IMMP2L: variants seen among roughly 807,000 people sequenced by gnomAD.
IMMP2L encodes the protein mitochondrial inner membrane protease subunit 2.
In IMMP2L, 18 loss-of-function variants were observed where a neutral mutation model predicts 19.3. The observed-to-expected ratio is 0.93, with a 90% CI of 0.64 to 1.38. IMMP2L has a LOEUF of 1.38. Among genes scored for constraint, IMMP2L ranks in the 40% most tolerant of loss-of-function variants. The probability of loss-of-function intolerance (pLI) is 0.00; values close to 1 mark genes in which losing one functional copy is unlikely to be tolerated. For missense variants in IMMP2L, 233 were observed against 218.2 expected (o/e 1.07, Z -0.43); for synonymous variants, 76 against 73.0 (o/e 1.04, Z -0.21).
At chr7:111,251,470 C>G (rs564406136) in intron 3 of IMMP2L, among the ~76,000 whole-genome samples, 2 of 152,206 alleles carry the variant, frequency 1.3e-5, no homozygotes, top group East Asian at 3.9e-4. Context: ...CCATGCAGCA[C>G]TATTCACAAC....
At chr7:111,265,958 C>T (rs1817786885) in intron 3 of IMMP2L, among the ~76,000 whole-genome samples, 1 of 152,228 alleles carries the variant, frequency 6.6e-6, no homozygotes, top group East Asian at 1.9e-4. Context: ...CTTCCCTAAC[C>T]AATCTATCCT....
chr7:111,339,335 T>C lies in IMMP2L; in HGVS notation c.239+147903A>G, dbSNP rs550820453. On this transcript the variant is annotated intron_variant, in intron 3 of 5. Transcript: ENST00000405709. ...GTAAAGGGAAGATAGTTATTCTCTC[T>C]GAAAAGAGAGAGTATTTCTCTCTGA... 7.9e-5 allele frequency among the ~76,000 whole-genome samples: 12 copies of C among 151,960 alleles called. No individual in the cohort carries two copies. The South Asian group carries it at 1.7e-3, about 21-fold the overall frequency.
At chr7:111,549,005 C>G (rs933554907) in intron 1 of IMMP2L, among the ~76,000 whole-genome samples, 1 of 152,082 alleles carries the variant, frequency 6.6e-6, no homozygotes, top group Non-Finnish European at 1.5e-5. Context: ...ATGATTAAGA[C>G]CCAAGCACAC....
Position 110,757,199 on chromosome 7 carries a change from G to A in IMMP2L, c.409-93478C>T, listed in dbSNP as rs191748151. Among the ~76,000 whole-genome samples, 452 of 152,148 alleles carry A rather than the reference G, an allele frequency of 3.0e-3. 4 individuals are homozygous for A. Among genetic ancestry groups the A allele is most frequent in the Admixed American group, 4.4e-3 (67 of 15,236 alleles). Reference sequence around the variant, plus strand: ...CATAGGGAGGGAATCCAGTGTTGGAGGCAAGGGGTGAAATCAGGGCTGGCT... The same window carrying A: ...CATAGGGAGGGAATCCAGTGTTGGAAGCAAGGGGTGAAATCAGGGCTGGCT... On this transcript the variant is annotated intron_variant, in intron 5 of 5. Transcript: ENST00000405709. The surrounding 1 kb of genome is among the most constrained non-coding windows in gnomAD (Gnocchi z 4.2).
At chr7:111,014,666 C>T (rs1388890006) in intron 3 of IMMP2L, among the ~76,000 whole-genome samples, 1 of 151,978 alleles carries the variant, frequency 6.6e-6, no homozygotes, top group Non-Finnish European at 1.5e-5. Flanking sequence ...GAAAAAAAAT[C>T]ATATATTTGA....
chr7:111,141,425 G>C (rs1037874674), intron 3 of IMMP2L, among the ~76,000 whole-genome samples: 1 of 150,994 alleles, frequency 6.6e-6, no homozygotes, highest in Non-Finnish European at 1.5e-5. Flanking sequence ...TAGTATGCCA[G>C]GGTTACATTT....
chr7:110,953,227 T>C (rs1818013725), intron 4 of IMMP2L, among the ~76,000 whole-genome samples: 1 of 152,132 alleles, frequency 6.6e-6, no homozygotes, highest in Non-Finnish European at 1.5e-5. Context: ...GCAGTTTTGT[T>C]ACATAGGTAT....
At chr7:111,421,094 C>T (rs1209741014) in intron 3 of IMMP2L, among the ~76,000 whole-genome samples, 1 of 151,594 alleles carries the variant, frequency 6.6e-6, no homozygotes, top group Non-Finnish European at 1.5e-5. Flanking sequence ...TTAATGATTG[C>T]CATTCTAACT....
intron 4 of IMMP2L, among the ~76,000 whole-genome samples, chr7:110,961,042 T>C (rs568891736): frequency 5.3e-5 from 8 of 151,978 alleles, no homozygotes; most frequent in African/African-American, 1.4e-4. Flanking sequence ...TACCAAGTGC[T>C]GGCAAGGATG....
At position 110,870,600 on chromosome 7, in the gene IMMP2L, T is replaced by C. The variant is rs1808443198; in HGVS notation, c.408+15993A>G. 6.6e-6 allele frequency among the ~76,000 whole-genome samples: 1 copy of C among 152,220 alleles called. No homozygotes were observed. Among genetic ancestry groups the C allele is most frequent in the Admixed American group, 6.5e-5 (1 of 15,284 alleles). The stretch of plus-strand genomic sequence containing the variant: ...TGTGCGTGTGTTCCATTTTGTTAGA[T>C]GCACAGAAAAAACTCTTCCCTGAAG... On this transcript the variant is annotated intron_variant, in intron 5 of 5. Transcript: ENST00000405709. This position sits in a 1 kb window ranked among gnomAD's most constrained non-coding sequence, Gnocchi z 4.2.
chr7:111,303,523 T>A (rs1822494085), intron 3 of IMMP2L, among the ~76,000 whole-genome samples: 1 of 152,106 alleles, frequency 6.6e-6, no homozygotes, highest in Non-Finnish European at 1.5e-5. Flanking sequence ...ATCATGACTA[T>A]GCAAAGTTAG....
At chr7:110,773,301 C>T (rs1799159751) in intron 5 of IMMP2L, among the ~76,000 whole-genome samples, 1 of 152,122 alleles carries the variant, frequency 6.6e-6, no homozygotes, top group African/African-American at 2.4e-5. Flanking sequence ...CTTGCAACTG[C>T]TTCAAGCAAA....
rs867607768 is a variant in IMMP2L at position 110,985,586 on chromosome 7, T to C, written c.240-22021A>G. 1.4e-4 allele frequency among the ~76,000 whole-genome samples: 21 copies of C among 152,252 alleles called. No homozygotes were observed. In the Middle Eastern group the frequency reaches 0.01, roughly 74 times the overall value. Reference sequence around the variant, plus strand: ...TGACAATATAAATAAAGTATGTTAGTCAAGTTTAAAACTACTTTTAAAAGT... The same window carrying C: ...TGACAATATAAATAAAGTATGTTAGCCAAGTTTAAAACTACTTTTAAAAGT... On this transcript the variant is annotated intron_variant, in intron 3 of 5. Coordinates refer to ENST00000405709, the MANE Select transcript of IMMP2L (RefSeq NM_032549.4).
chr7:110,928,364 C>T (rs1204335894), intron 4 of IMMP2L, among the ~76,000 whole-genome samples: 1 of 140,202 alleles, frequency 7.1e-6, no homozygotes, highest in Admixed American at 7.1e-5. Flanking sequence ...CACACACACA[C>T]ACACACACAC....
chr7:111,539,372 C>A (rs1318110440), intron 1 of IMMP2L, among the ~76,000 whole-genome samples: 2 of 152,032 alleles, frequency 1.3e-5, no homozygotes, highest in Non-Finnish European at 2.9e-5. Context: ...CACTCTTGTC[C>A]AAAAGCAGTA....
intron 3 of IMMP2L, among the ~76,000 whole-genome samples, chr7:111,061,140 T>C (rs753932570): frequency 5.9e-5 from 9 of 152,198 alleles, no homozygotes; most frequent in Admixed American, 4.6e-4. Flanking sequence ...ATGCTGGAGA[T>C]AGAATATCAG....
At chr7:111,079,728 C>A (rs1418834649) in intron 3 of IMMP2L, among the ~76,000 whole-genome samples, 1 of 152,130 alleles carries the variant, frequency 6.6e-6, no homozygotes, top group African/African-American at 2.4e-5. Flanking sequence ...AAATTATAAT[C>A]TCCTATGGTT....
intron 5 of IMMP2L, among the ~76,000 whole-genome samples, chr7:110,774,674 G>C (rs1361491368): frequency 6.6e-6 from 1 of 151,964 alleles, no homozygotes; most frequent in Non-Finnish European, 1.5e-5. Flanking sequence ...TGTGTTACAA[G>C]TGCCTACGGT....
At chr7:111,198,074 C>T (rs996791534) in intron 3 of IMMP2L, among the ~76,000 whole-genome samples, 1 of 152,114 alleles carries the variant, frequency 6.6e-6, no homozygotes, top group African/African-American at 2.4e-5. Flanking sequence ...TACACTTTTT[C>T]ACCAAGGATT....
Sources: gnomAD v4.1 joint callset for allele counts (sites outside exome capture counted in the v4.1 genomes callset) on GRCh38, gnomAD v4.1.1 for gene constraint, Gnocchi (gnomAD v3.1) non-coding constraint, MANE v1.5 for transcripts, NCBI Gene and HGNC (gene_info 2026-07-23, HGNC 2026-07-21) for gene names.